Variants in NWD1 observed in about 807,000 individuals in gnomAD.
The protein encoded by NWD1 is NACHT domain- and WD repeat-containing protein 1.
In NWD1, 129 loss-of-function variants were observed where a neutral mutation model predicts 135.1. The observed-to-expected ratio is 0.96, with a 90% CI of 0.83 to 1.11. The LOEUF is 1.11. Ranked by LOEUF, NWD1 falls within the 50% of genes least tolerant of loss-of-function variation. NWD1 has a pLI of 0.00. For missense variants in NWD1, 1,740 were observed against 1,851.3 expected (o/e 0.94, Z 1.10); for synonymous variants, 773 against 786.0 (o/e 0.98, Z 0.28).
At chr19:16,810,303 T>C (rs1970884384) in intron 18 of NWD1, among the ~76,000 whole-genome samples, 1 of 151,020 alleles carries the variant, frequency 6.6e-6, no homozygotes, top group Non-Finnish European at 1.5e-5. Flanking sequence ...CCCTGCATGG[T>C]GGTATGTGCC....
At chr19:16,751,396 G>A (rs1439226957) in intron 6 of NWD1, among the ~76,000 whole-genome samples, 3 of 151,024 alleles carry the variant, frequency 2.0e-5, no homozygotes, top group East Asian at 3.9e-4. Context: ...AAGGCAGACA[G>A]GAAGGAAGGA....
At chr19:16,808,395 CA>C (rs1418116019) in intron 18 of NWD1, among the ~76,000 whole-genome samples, 1 of 151,752 alleles carries the variant, frequency 6.6e-6, no homozygotes, top group Non-Finnish European at 1.5e-5. Flanking sequence ...ACTAAAAATA[CA>C]AAAATTAGCC....
At chr19:16,742,916 ATT>A (rs1434192423) in intron 4 of NWD1, among the ~76,000 whole-genome samples, 2 of 136,936 alleles carry the variant, frequency 1.5e-5, no homozygotes, top group African/African-American at 5.5e-5. Flanking sequence ...TATTATTATT[ATT>A]ATTATTTTAT....
In NWD1 at chr19:16,791,487, G is replaced by T; in HGVS notation, c.3078G>T (p.Leu1026=). The stretch of plus-strand genomic sequence containing the variant: ...TGTCCAGGGATGGTGTGGTCAGTCT[G>T]TGGAGCTCAGCTACGGGAAAACTTC... ...LTVSRDGVVS[L]WSSATGKLQG... The change falls in exon 14 of 19, where the codon CTG becomes CTT. Residue 1026 remains leucine (L), a synonymous_variant. Coordinates refer to ENST00000524140, the MANE Select transcript of NWD1 (RefSeq NM_001007525.5). 1 of 1,614,188 alleles carries T rather than the reference G, an allele frequency of 6.2e-7. No homozygotes were observed.
At chr19:16,741,208 C>G (rs980014055) in intron 4 of NWD1, among the ~76,000 whole-genome samples, 2 of 152,232 alleles carry the variant, frequency 1.3e-5, no homozygotes, top group East Asian at 3.9e-4. Context: ...TTCGCTGTCC[C>G]TCTTCTTGCC....
Position 16,797,783 on chromosome 19 carries a change from G to A in NWD1, c.3356G>A (p.Arg1119Gln), listed in dbSNP as rs576850705. The A allele has an allele frequency of 7.4e-6, 12 of 1,614,056 alleles. No individual in the cohort carries two copies. The highest frequency in any genetic ancestry group is 6.7e-5 in the Admixed American group (4 of 59,998). Residue 1119 changes from arginine (R) to glutamine (Q), a missense_variant, in exon 16 of 19, where the codon CGA (arginine) becomes CAA (glutamine). Physicochemically the swap from Arg to Gln is conservative, Grantham distance 43. Coordinates refer to ENST00000524140, the MANE Select transcript of NWD1 (RefSeq NM_001007525.5). ...IFLADSRGFR[R>Q]FMAMDLEHED... The stretch of plus-strand genomic sequence containing the variant: ...TTGGCGGACTCGAGGGGCTTTCGCC[G>A]ATTCATGGCCATGGATCTGGAACAT...
chr19:16,747,533 C>A (rs1048775085), intron 5 of NWD1, among the ~76,000 whole-genome samples: 6 of 151,344 alleles, frequency 4.0e-5, no homozygotes, highest in African/African-American at 1.5e-4. Flanking sequence ...CACGCCATCA[C>A]AGGTGGCTAA....
intron 17 of NWD1, 103 bp from the exon 18 acceptor site, chr19:16,807,483 A>C: frequency 1.1e-6 from 1 of 878,466 alleles, no homozygotes; most frequent in Non-Finnish European, 1.8e-6. Flanking sequence ...ACAGAGTGAG[A>C]CTCCATCTCA....
At chr19:16,747,720 C>T (rs532085014) in intron 5 of NWD1, among the ~76,000 whole-genome samples, 2 of 152,172 alleles carry the variant, frequency 1.3e-5, no homozygotes, top group African/African-American at 4.8e-5. Flanking sequence ...TTAAACACTC[C>T]CCATCTCCCC....
intron 10 of NWD1, among the ~76,000 whole-genome samples, chr19:16,769,206 A>G (rs1033987584): frequency 6.6e-6 from 1 of 152,034 alleles, no homozygotes; most frequent in Non-Finnish European, 1.5e-5. Context: ...TCATGCCTAT[A>G]ATCCCAGCAC....
intron 18 of NWD1, among the ~76,000 whole-genome samples, chr19:16,812,458 G>A (rs1970952603): frequency 6.6e-6 from 1 of 151,580 alleles, no homozygotes; most frequent in Non-Finnish European, 1.5e-5. Flanking sequence ...CACCTGAGGT[G>A]AGGAGTTGGA....
intron 13 of NWD1, 93 bp from the exon 14 acceptor site, chr19:16,791,257 G>T: frequency 9.0e-7 from 1 of 1,106,410 alleles, no homozygotes; most frequent in Non-Finnish European, 1.3e-6. Flanking sequence ...AATGCATAAA[G>T]TATACAAGAG....
At position 16,772,229 on chromosome 19, in the gene NWD1, G is replaced by A. The variant is rs528035162; in HGVS notation, c.2411-897G>A. On this transcript the variant is annotated intron_variant, in intron 10 of 18. Transcript: ENST00000524140. ...AAAAATAAAAAACTAACGAGGCGTG[G>A]TGACGTGCATCTGCAGTCCCAGCTA... Among the ~76,000 whole-genome samples the A allele has an allele frequency of 6.6e-5, 10 of 152,254 alleles. No individual in the cohort carries two copies. In the South Asian group the frequency reaches 2.1e-3, roughly 32 times the overall value.
chr19:16,778,911 G>T (rs1355201491), intron 11 of NWD1, among the ~76,000 whole-genome samples: 1 of 152,104 alleles, frequency 6.6e-6, no homozygotes, highest in Non-Finnish European at 1.5e-5. Flanking sequence ...CTGACTTCTG[G>T]GGCTGAATCT....
Position 16,736,763 on chromosome 19 carries a change from G to C in NWD1, c.198+13G>C, listed in dbSNP as rs1192605379. The C allele has an allele frequency of 1.1e-5, 16 of 1,430,118 alleles. No individual in the cohort carries two copies. In the South Asian group the frequency reaches 2.0e-4, roughly 17 times the overall value. 88.6% of individuals were successfully genotyped at this position (1,430,118 alleles called of 1,614,324 possible). On this transcript the variant is annotated intron_variant, in intron 4 of 18. Transcript: ENST00000524140. Reference sequence around the variant, plus strand: ...GCCAGCTTTTGTTGTGAGTGTCTTGGGAGGAATGGGTTAGCTCTTACTCCT... The same window carrying C: ...GCCAGCTTTTGTTGTGAGTGTCTTGCGAGGAATGGGTTAGCTCTTACTCCT...
At chr19:16,780,967 A>C (rs1039526265) in intron 12 of NWD1, among the ~76,000 whole-genome samples, 2 of 152,120 alleles carry the variant, frequency 1.3e-5, no homozygotes, top group African/African-American at 4.8e-5. Context: ...CCTAGGCTTC[A>C]TTTTTTGATG....
In NWD1 at chr19:16,735,759, G is replaced by C. The variant is rs200870236; in HGVS notation, c.82-875G>C. ...GCATAAGAATCGCTTGAACCCATTA[G>C]GCAAAATTTACAATGAGCCAAGATC... On this transcript the variant is annotated intron_variant, in intron 3 of 18. Coordinates refer to ENST00000524140, the MANE Select transcript of NWD1 (RefSeq NM_001007525.5). Among the ~76,000 whole-genome samples, 5 of 147,170 alleles carry C rather than the reference G, an allele frequency of 3.4e-5. No homozygotes were observed. In the East Asian group the frequency reaches 1.0e-3, roughly 30 times the overall value.
intron 17 of NWD1, chr19:16,801,639 C>T (rs536105844): frequency 5.0e-4 from 76 of 152,018 alleles, no homozygotes; most frequent in African/African-American, 1.8e-3. Flanking sequence ...TCACTTGAGC[C>T]CAGGAGGCAG....
chr19:16,759,284 A>C lies in NWD1; in HGVS notation c.1829A>C (p.Gln610Pro). 1 of 1,614,188 alleles carries C rather than the reference A, an allele frequency of 6.2e-7. No individual in the cohort carries two copies. Among genetic ancestry groups the C allele is most frequent in the Non-Finnish European group, 8.5e-7 (1 of 1,180,026 alleles). ...DVLSLDDEVLQDVYRDWTPPS... is the reference protein window; with the variant it reads ...DVLSLDDEVLPDVYRDWTPPS... ...TTGTCCCTGGACGACGAGGTCCTGC[A>C]GGATGTGTACCGAGATTGGACCCCG... is the stretch of plus-strand genomic sequence containing the variant. The change falls in exon 7 of 19, where the codon CAG becomes CCG. Residue 610 changes from glutamine (Q) to proline (P), a missense_variant. Transcript: ENST00000524140.
Sources: allele counts gnomAD v4.1 joint callset (sites outside exome capture counted in the v4.1 genomes callset), GRCh38; gene constraint gnomAD v4.1.1; transcripts MANE v1.5; gene names NCBI Gene and HGNC (gene_info 2026-07-23, HGNC 2026-07-21).